Variants in CFAP74 observed in about 807,000 individuals in gnomAD.
The protein encoded by CFAP74 is cilia- and flagella-associated protein 74.
A neutral mutation model predicts 188.9 loss-of-function variants in CFAP74; 124 were observed. That is an observed-to-expected ratio of 0.66 (90% CI 0.57 to 0.76). The LOEUF is 0.76. Ranked by LOEUF, CFAP74 falls within the 30% of genes least tolerant of loss-of-function variation. The probability of loss-of-function intolerance (pLI) is 0.00; values close to 1 mark genes in which losing one functional copy is unlikely to be tolerated. For synonymous variants in CFAP74, 956 were observed against 916.7 expected (o/e 1.04, Z -0.77); for missense variants, 2,198 against 2,165.2 (o/e 1.02, Z -0.30).
intron 25 of CFAP74, among the ~76,000 whole-genome samples, chr1:1,931,743 CAAAAAAA>C (rs34088299): frequency 2.6e-5 from 2 of 77,088 alleles, no homozygotes; most frequent in African/African-American, 5.4e-5. Context: ...GTCTCTGTCT[CAAAAAAA>C]AAAAAAAAAA....
At chr1:1,981,204 C>T (rs1339027131) in intron 6 of CFAP74, among the ~76,000 whole-genome samples, 2 of 152,262 alleles carry the variant, frequency 1.3e-5, no homozygotes, top group Non-Finnish European at 2.9e-5. Context: ...GACCCTGCAA[C>T]AATCCCACTG....
chr1:1,939,826 C>T (rs1187175995), intron 23 of CFAP74, 59 bp from the exon 24 acceptor site: 1 of 1,481,932 alleles, frequency 6.7e-7, no homozygotes, highest in African/African-American at 1.4e-5. Flanking sequence ...CAAGTGCTCC[C>T]CAAACTCTGA....
intron 6 of CFAP74, among the ~76,000 whole-genome samples, chr1:1,978,324 C>G (rs1416241050): frequency 6.6e-6 from 1 of 152,014 alleles, no homozygotes; most frequent in African/African-American, 2.4e-5. Flanking sequence ...GATGCTGGAC[C>G]TGGGAGGGGT....
chr1:1,967,981 AGAAT>A (rs1400716404), intron 11 of CFAP74, among the ~76,000 whole-genome samples: 12 of 94,540 alleles, frequency 1.3e-4, no homozygotes, highest in African/African-American at 3.5e-4. Flanking sequence ...GAATGAGTAA[AGAAT>A]GAATGAGTGA....
chr1:1,938,578 ACT>A (rs1653117162), intron 25 of CFAP74, among the ~76,000 whole-genome samples: 1 of 151,952 alleles, frequency 6.6e-6, no homozygotes, highest in South Asian at 2.1e-4. Flanking sequence ...ACACAGGCAC[ACT>A]CGCCTGTCCT....
chr1:1,962,982 A>T (rs1655197667), intron 14 of CFAP74, among the ~76,000 whole-genome samples: 1 of 152,224 alleles, frequency 6.6e-6, no homozygotes, highest in South Asian at 2.1e-4. Flanking sequence ...TCCAAAACAC[A>T]GGTAAGTGGA....
chr1:1,987,129 G>T, intron 4 of CFAP74, 94 bp from the exon 5 acceptor site: 1 of 1,023,778 alleles, frequency 9.8e-7, no homozygotes, highest in Non-Finnish European at 1.5e-6. Context: ...GTGAGGCAGA[G>T]CCAGACCCCC....
chr1:1,965,073 A>C lies in CFAP74; in HGVS notation c.1402-12T>G. The C allele has an allele frequency of 6.2e-7, 1 of 1,610,240 alleles. No individual in the cohort carries two copies. Among genetic ancestry groups the C allele is most frequent in the Non-Finnish European group, 8.5e-7 (1 of 1,178,016 alleles). On this transcript the variant is annotated splice_polypyrimidine_tract_variant and intron_variant, in intron 12 of 38. Coordinates refer to ENST00000682832, the MANE Select transcript of CFAP74 (RefSeq NM_001304360.2). ...TCCTCCTTGGGCACCTGGGGGTCAC[A>C]GAGACAGAGGCTGGGGCTGTTAGCG...
chr1:1,942,212 G>C lies in CFAP74; in HGVS notation c.2487-56C>G, dbSNP rs748005806. The C allele has an allele frequency of 7.1e-7, 1 of 1,407,704 alleles. No individual in the cohort carries two copies. Among genetic ancestry groups the C allele is most frequent in the East Asian group, 2.7e-5 (1 of 36,768 alleles). The allele number at this position is 1,407,704 out of a possible 1,614,324, so 87.2% of individuals were successfully genotyped here. On this transcript the variant is annotated intron_variant, in intron 21 of 38. Transcript: ENST00000682832. The surrounding 1 kb of genome is among the most constrained non-coding windows in gnomAD (Gnocchi z 4.3). ...GTGCCACAGTCGTGATTCTGTGTGCGCTCAATGCCTGGAGTTATTAAAACA... is the reference window on the plus strand; with the variant it reads ...GTGCCACAGTCGTGATTCTGTGTGCCCTCAATGCCTGGAGTTATTAAAACA...
intron 33 of CFAP74, 133 bp downstream of exon 33, chr1:1,925,650 G>T: frequency 2.2e-6 from 2 of 918,558 alleles, no homozygotes; most frequent in Non-Finnish European, 3.2e-6. Flanking sequence ...GTAGAGGAGG[G>T]GTAGAGGGGG....
chr1:1,991,857 G>A (rs1359176618), intron 1 of CFAP74, among the ~76,000 whole-genome samples: 3 of 151,744 alleles, frequency 2.0e-5, no homozygotes, highest in African/African-American at 7.3e-5. Flanking sequence ...GGCTAGCACA[G>A]TGAAACCCCA....
At position 1,975,065 on chromosome 1, in the gene CFAP74, C is replaced by T. The variant is rs573042241; in HGVS notation, c.501-867G>A. On this transcript the variant is annotated intron_variant, in intron 6 of 38. Coordinates refer to ENST00000682832, the MANE Select transcript of CFAP74 (RefSeq NM_001304360.2). The surrounding 1 kb of genome is among the most constrained non-coding windows in gnomAD (Gnocchi z 4.5). ...ACAAGGTCAGACGCAGGCGTTGAGC[C>T]GGCATCCTCACTGCATTGCTGACAT... Among the ~76,000 whole-genome samples the T allele has an allele frequency of 1.7e-4, 26 of 152,348 alleles. No individual in the cohort carries two copies. The highest frequency in any genetic ancestry group is 5.1e-4 in the African/African-American group (21 of 41,582).
chr1:1,971,233 G>GCA (rs759557064), intron 9 of CFAP74, among the ~76,000 whole-genome samples: 2 of 143,358 alleles, frequency 1.4e-5, no homozygotes, highest in Non-Finnish European at 3.0e-5. Context: ...GTGCACGCCT[G>GCA]CACACACATG....
intron 16 of CFAP74, among the ~76,000 whole-genome samples, chr1:1,958,111 C>T (rs1330102179): frequency 6.6e-6 from 1 of 152,260 alleles, no homozygotes; most frequent in Admixed American, 6.5e-5. Flanking sequence ...TCCACGGCGA[C>T]ACGCGGTGAA....
chr1:1,935,881 C>G (rs1012782012), intron 25 of CFAP74, among the ~76,000 whole-genome samples: 3 of 151,448 alleles, frequency 2.0e-5, no homozygotes, highest in Non-Finnish European at 4.4e-5. Context: ...CACACACACA[C>G]ACACACGAAC....
In CFAP74 at chr1:1,924,446, GC is replaced by G; in HGVS notation, c.4178del (p.Gly1393AlafsTer79). The G allele has an allele frequency of 6.3e-7, 1 of 1,577,886 alleles. No homozygotes were observed. Among genetic ancestry groups the G allele is most frequent in the Non-Finnish European group, 8.6e-7 (1 of 1,166,840 alleles). On this transcript the variant is annotated frameshift_variant, in exon 34 of 39. Coordinates refer to ENST00000682832, the MANE Select transcript of CFAP74 (RefSeq NM_001304360.2). LOFTEE classifies it high-confidence loss of function. Reference protein sequence around the residue: ...LDSLSSTRGRGQQQLPQFLSS... With the variant: ...LDSLSSTRGRXQQQLPQFLSS... ...TGAGGAACTGCGGCAGCTGCTGCTG[GC>G]CCCGGCCCCGGGTGCTGGAGAGGCT...
intron 2 of CFAP74, 29 bp downstream of exon 2, chr1:1,990,861 T>C (rs754751754): frequency 3.2e-6 from 5 of 1,586,588 alleles, no homozygotes; most frequent in Non-Finnish European, 2.6e-6. Context: ...TTGCTGAAAC[T>C]TCCGTTACTG....
At chr1:1,922,502 T>C (rs1284645745) in intron 38 of CFAP74, 87 bp downstream of exon 38, 1 of 1,556,900 alleles carries the variant, frequency 6.4e-7, no homozygotes, top group Non-Finnish European at 8.7e-7. Context: ...CACGGCCACC[T>C]CCTCCCCTGG....
chr1:1,974,106 AGCC>A lies in CFAP74; in HGVS notation c.590_592del (p.Arg197del). 3 of 1,612,164 alleles carry A rather than the reference AGCC, an allele frequency of 1.9e-6. No homozygotes were observed. Among genetic ancestry groups the A allele is most frequent in the South Asian group, 1.1e-5 (1 of 90,918 alleles). ...GAGCTGCTCGGCTGCGCGCACCTGG[AGCC>A]GCCGCCCCGTGGCCTCCACCTCCTC... is the stretch of plus-strand genomic sequence containing the variant. On this transcript the variant is annotated inframe_deletion, in exon 7 of 39. Transcript: ENST00000682832.
Sources: allele counts gnomAD v4.1 joint callset (sites outside exome capture counted in the v4.1 genomes callset), GRCh38; gene constraint gnomAD v4.1.1; non-coding constraint Gnocchi (gnomAD v3.1); transcripts MANE v1.5; gene names NCBI Gene and HGNC (gene_info 2026-07-23, HGNC 2026-07-21).